The following MAN1A1 variants were observed in gnomAD, a reference collection of about 807,000 sequenced individuals.
MAN1A1 encodes the protein mannosidase alpha class 1A member 1.
In MAN1A1, 29 loss-of-function variants were observed where a neutral mutation model predicts 70.8. That is an observed-to-expected ratio of 0.41 (90% confidence interval 0.31 to 0.56). The LOEUF (loss-of-function observed/expected upper bound fraction) is 0.56. MAN1A1 is among the 20% of genes least tolerant of loss of function. The probability of loss-of-function intolerance (pLI) is 0.29; values close to 1 mark genes in which losing one functional copy is unlikely to be tolerated. For missense variants in MAN1A1, 747 were observed against 841.3 expected, an observed-to-expected ratio of 0.89 and a Z score of 1.39; for synonymous variants, 349 against 330.1, an observed-to-expected ratio of 1.06 and a Z score of -0.62.
chr6:119,302,543 G>A (rs1772419620), intron 3 of MAN1A1, among the ~76,000 whole-genome samples: 1 of 151,970 alleles, frequency 6.6e-6, no homozygotes. Context: ...CACCACGCCT[G>A]GCTAATTTTT....
At chr6:119,277,326 T>C (rs1776092847) in intron 5 of MAN1A1, among the ~76,000 whole-genome samples, 1 of 152,146 alleles carries the variant, frequency 6.6e-6, no homozygotes, top group Non-Finnish European at 1.5e-5. Context: ...TTCTAAAATG[T>C]TTTAAAGAAA....
At chr6:119,204,051 G>A (rs1773791568) in intron 7 of MAN1A1, among the ~76,000 whole-genome samples, 2 of 152,160 alleles carry the variant, frequency 1.3e-5, no homozygotes, top group Admixed American at 1.3e-4. Context: ...CAGCAAAAGA[G>A]GAGACAAACT....
At chr6:119,271,986 G>A (rs565649680) in intron 5 of MAN1A1, among the ~76,000 whole-genome samples, 1 of 152,268 alleles carries the variant, frequency 6.6e-6, no homozygotes, top group Non-Finnish European at 1.5e-5. Context: ...TGACAAGGAA[G>A]TAAAGTGACA....
Position 119,198,291 on chromosome 6 carries a change from G to A in MAN1A1, c.1210+2963C>T, listed in dbSNP as rs145757632. On this transcript the variant is annotated intron_variant, in intron 8 of 12. Coordinates refer to ENST00000368468, the MANE Select transcript of MAN1A1 (RefSeq NM_005907.4). ...TGTAGTCCCAGCTACTCGGGAGGCTGAGGCAGGAGAATTGCTTGAGCATGG... is the reference window on the plus strand; with the variant it reads ...TGTAGTCCCAGCTACTCGGGAGGCTAAGGCAGGAGAATTGCTTGAGCATGG... Among the ~76,000 whole-genome samples, 539 of 152,316 alleles carry A rather than the reference G, an allele frequency of 3.5e-3. 4 individuals are homozygous for A. Among genetic ancestry groups the A allele is most frequent in the African/African-American group, 0.012 (510 of 41,578 alleles).
intron 8 of MAN1A1, among the ~76,000 whole-genome samples, chr6:119,197,248 G>C (rs1274141769): frequency 6.7e-6 from 1 of 150,064 alleles, no homozygotes; most frequent in Non-Finnish European, 1.5e-5. Context: ...GGTGGAGGGA[G>C]CTGAGACTGC....
chr6:119,341,160 T>TC (rs1241224231), intron 2 of MAN1A1, among the ~76,000 whole-genome samples: 3 of 152,224 alleles, frequency 2.0e-5, no homozygotes, highest in Non-Finnish European at 4.4e-5. Context: ...TGGTTTTTTT[T>TC]CAAGTACCTA....
intron 8 of MAN1A1, among the ~76,000 whole-genome samples, chr6:119,200,472 C>CT (rs1185685144): frequency 6.6e-6 from 1 of 152,136 alleles, no homozygotes; most frequent in Non-Finnish European, 1.5e-5. Context: ...AATGAGGTAT[C>CT]TAAGAACATG....
At position 119,179,949 on chromosome 6, in the gene MAN1A1, G is replaced by A. The variant is rs1295338802; in HGVS notation, c.1836-4C>T. The A allele has an allele frequency of 6.2e-7, 1 of 1,613,172 alleles. No individual in the cohort carries two copies. Among genetic ancestry groups the A allele is most frequent in the Admixed American group, 1.7e-5 (1 of 60,004 alleles). The stretch of plus-strand genomic sequence containing the variant: ...AGAAAATATTAGGTACAAATATCTG[G>A]TGAGAGAAACATAAGTATATGAGGC... On this transcript the variant is annotated splice_polypyrimidine_tract_variant and splice_region_variant and intron_variant, in intron 12 of 12. Coordinates refer to ENST00000368468, the MANE Select transcript of MAN1A1 (RefSeq NM_005907.4).
chr6:119,198,569 C>T (rs563536192), intron 8 of MAN1A1, among the ~76,000 whole-genome samples: 128 of 152,226 alleles, frequency 8.4e-4, no homozygotes, highest in Non-Finnish European at 1.6e-3. Flanking sequence ...AAAATATTTT[C>T]GTTACCTCGT....
At chr6:119,345,105 A>G (rs1392629259) in intron 2 of MAN1A1, among the ~76,000 whole-genome samples, 20 of 151,662 alleles carry the variant, frequency 1.3e-4, no homozygotes, top group Admixed American at 9.2e-4. Flanking sequence ...TTTCAGAAAA[A>G]CGAAAAAAAA....
At chr6:119,312,491 G>T (rs1377199358) in intron 2 of MAN1A1, among the ~76,000 whole-genome samples, 2 of 152,112 alleles carry the variant, frequency 1.3e-5, no homozygotes, top group African/African-American at 4.8e-5. Flanking sequence ...CATTGGAAGA[G>T]AATTTCTCCA....
intron 5 of MAN1A1, among the ~76,000 whole-genome samples, chr6:119,255,781 G>A (rs1775441147): frequency 6.6e-6 from 1 of 152,118 alleles, no homozygotes. Context: ...ACTCTCCCCT[G>A]TGGGCACACA....
chr6:119,249,093 G>C (rs1262987011), intron 5 of MAN1A1, among the ~76,000 whole-genome samples: 1 of 152,082 alleles, frequency 6.6e-6, no homozygotes, highest in Non-Finnish European at 1.5e-5. Context: ...AACTGGGGCC[G>C]ATAATACCAC....
At chr6:119,288,196 T>C (rs1776430001) in intron 5 of MAN1A1, among the ~76,000 whole-genome samples, 1 of 151,964 alleles carries the variant, frequency 6.6e-6, no homozygotes, top group Non-Finnish European at 1.5e-5. Flanking sequence ...AATTTAACAA[T>C]CTTGAGCTGA....
intron 6 of MAN1A1, among the ~76,000 whole-genome samples, chr6:119,209,694 A>C (rs1196423010): frequency 6.6e-6 from 1 of 152,198 alleles, no homozygotes; most frequent in Non-Finnish European, 1.5e-5. Flanking sequence ...CTTCACTTAC[A>C]AACGCGTCCT....
intron 3 of MAN1A1, among the ~76,000 whole-genome samples, chr6:119,304,856 C>T (rs1018963801): frequency 1.3e-5 from 2 of 152,158 alleles, no homozygotes; most frequent in African/African-American, 4.8e-5. Context: ...CTTACATTTT[C>T]CTATCCTCTC....
At chr6:119,271,854 C>A (rs1775934073) in intron 5 of MAN1A1, among the ~76,000 whole-genome samples, 1 of 152,116 alleles carries the variant, frequency 6.6e-6, no homozygotes, top group African/African-American at 2.4e-5. Context: ...TTGGTGATTT[C>A]CCTTAGAAAG....
chr6:119,239,837 C>T (rs919457565), intron 6 of MAN1A1, among the ~76,000 whole-genome samples: 4 of 152,148 alleles, frequency 2.6e-5, no homozygotes, highest in African/African-American at 9.7e-5. Flanking sequence ...TATGAATTTA[C>T]GCATTCTGAC....
At chr6:119,288,763 G>GA (rs141709406) in intron 5 of MAN1A1, among the ~76,000 whole-genome samples, 1,813 of 151,614 alleles carry the variant, frequency 0.012, 40 homozygotes, top group African/African-American at 0.042. Context: ...GAAACTATAA[G>GA]AAAAAACATG....
Sources: allele counts gnomAD v4.1 joint callset (sites outside exome capture counted in the v4.1 genomes callset), GRCh38; gene constraint gnomAD v4.1.1; transcripts MANE v1.5; gene names NCBI Gene and HGNC (gene_info 2026-07-23, HGNC 2026-07-21).